Variants in RBM33 observed in about 807,000 individuals in gnomAD.
The protein encoded by RBM33 is RNA-binding protein 33.
Under a neutral mutation model 132.6 loss-of-function variants are expected in RBM33, and 28 were observed. That is an observed-to-expected ratio of 0.21 (90% CI 0.16 to 0.29). The LOEUF (loss-of-function observed/expected upper bound fraction) is 0.29, where lower values mean the gene tolerates loss of function less well. Ranked by LOEUF, RBM33 falls within the 10% of genes least tolerant of loss-of-function variation. The probability of loss-of-function intolerance (pLI) is 1.00; values close to 1 mark genes in which losing one functional copy is unlikely to be tolerated. For missense variants in RBM33, 1,291 were observed against 1,518.5 expected (o/e 0.85, Z 2.49); for synonymous variants, 634 against 593.0 (o/e 1.07, Z -1.01).
intron 7 of RBM33, among the ~76,000 whole-genome samples, chr7:155,709,738 A>G: frequency 6.6e-6 from 1 of 152,282 alleles, no homozygotes; most frequent in East Asian, 1.9e-4. Context: ...GATAGACAAG[A>G]TCCCTACTCT....
At chr7:155,737,780 G>C in intron 10 of RBM33, 118 bp downstream of exon 10, 2 of 1,200,272 alleles carry the variant, frequency 1.7e-6, no homozygotes, top group Non-Finnish European at 2.3e-6. Context: ...GGAATGCCAG[G>C]TTTTTGTACC....
rs1164763779 is a variant in RBM33 at position 155,766,519 on chromosome 7, G to T, written c.3239G>T (p.Arg1080Leu). The change falls in exon 16 of 18, where the codon CGC becomes CTC. Residue 1080 changes from arginine (R) to leucine (L), a missense_variant. Physicochemically the swap from Arg to Leu is moderately radical, Grantham distance 102. This residue lies in a region of RBM33 where 841 missense variants were observed against 912.0 expected (regional missense o/e 0.92). Coordinates refer to ENST00000401878, the MANE Select transcript of RBM33 (RefSeq NM_053043.3). ...RGVAGPMGRG[R>L]LMPNKQNLRV... ...GTGGCCGGTCCCATGGGCCGGGGGC[G>T]CCTGATGCCAAACAAGCAGAACCTG... is the stretch of plus-strand genomic sequence containing the variant. 1.9e-6 allele frequency: 3 copies of T among 1,613,596 alleles called. No homozygotes were observed. The highest frequency in any genetic ancestry group is 1.3e-5 in the African/African-American group (1 of 74,910).
chr7:155,763,975 C>G lies in RBM33; in HGVS notation c.3143C>G (p.Pro1048Arg). 1 of 1,587,710 alleles carries G rather than the reference C, an allele frequency of 6.3e-7. No individual in the cohort carries two copies. The highest frequency in any genetic ancestry group is 8.6e-7 in the Non-Finnish European group (1 of 1,167,004). ...PAGPHAHSPV[P>R]PGIKSIQGIH... ...GGGCCCCACGCACACTCGCCTGTCC[C>G]TCCAGGGATCAAAAGCATCCAAGGA... The change falls in exon 15 of 18, where the codon CCT becomes CGT. Residue 1048 changes from proline to arginine, a missense_variant. This residue lies in a region of RBM33 where 841 missense variants were observed against 912.0 expected (regional missense o/e 0.92). Coordinates refer to ENST00000401878, the MANE Select transcript of RBM33 (RefSeq NM_053043.3).
chr7:155,697,167 G>A (rs1473918051), intron 5 of RBM33, among the ~76,000 whole-genome samples: 1 of 151,890 alleles, frequency 6.6e-6, no homozygotes, highest in Non-Finnish European at 1.5e-5. Flanking sequence ...GGGGAGGAAA[G>A]CAACTTAAGC....
intron 5 of RBM33, among the ~76,000 whole-genome samples, chr7:155,684,178 G>A (rs1799409495): frequency 6.6e-6 from 1 of 152,194 alleles, no homozygotes. Context: ...CATACAGTAG[G>A]TTGTTAAATT....
intron 14 of RBM33, among the ~76,000 whole-genome samples, chr7:155,759,700 C>T (rs1343019796): frequency 1.3e-5 from 2 of 152,174 alleles, no homozygotes; most frequent in Non-Finnish European, 2.9e-5. Context: ...TAAAAATTAT[C>T]AAATTACTAC....
intron 5 of RBM33, among the ~76,000 whole-genome samples, chr7:155,694,323 C>T (rs10240868): frequency 0.016 from 2,472 of 152,208 alleles, 61 homozygotes; most frequent in African/African-American, 0.055. Flanking sequence ...CACATTAGTG[C>T]TAGTTATGCT....
chr7:155,666,079 TAGTC>T (rs1454613610), intron 2 of RBM33, among the ~76,000 whole-genome samples: 8 of 152,218 alleles, frequency 5.3e-5, no homozygotes, highest in Non-Finnish European at 8.8e-5. Context: ...TGCAGTGTAT[TAGTC>T]AGGATTCTCC....
chr7:155,713,986 G>T (rs995478662), intron 8 of RBM33, among the ~76,000 whole-genome samples: 1 of 152,102 alleles, frequency 6.6e-6, no homozygotes, highest in African/African-American at 2.4e-5. Flanking sequence ...AGTTTCCTCG[G>T]TGGGTAGCAG....
intron 9 of RBM33, among the ~76,000 whole-genome samples, chr7:155,729,700 A>C (rs1001358542): frequency 1.3e-5 from 2 of 151,132 alleles, no homozygotes; most frequent in African/African-American, 4.9e-5. Context: ...TCGCACCGCT[A>C]TACTCCAGTC....
chr7:155,709,183 T>G (rs1476026150), intron 7 of RBM33, among the ~76,000 whole-genome samples: 1 of 152,162 alleles, frequency 6.6e-6, no homozygotes, highest in African/African-American at 2.4e-5. Flanking sequence ...AACTTCCTTT[T>G]TATTTCCAAA....
At chr7:155,703,026 G>T (rs762216180) in intron 6 of RBM33, among the ~76,000 whole-genome samples, 34 of 152,012 alleles carry the variant, frequency 2.2e-4, no homozygotes, top group Non-Finnish European at 4.4e-4. Context: ...GATTTGTGGT[G>T]CCTCTCTGCC....
intron 1 of RBM33, among the ~76,000 whole-genome samples, chr7:155,659,423 C>T (rs1218190386): frequency 6.6e-6 from 1 of 152,066 alleles, no homozygotes; most frequent in East Asian, 1.9e-4. Flanking sequence ...TAGAAGGAAA[C>T]AACTTCTGGA....
At chr7:155,737,925 T>C in intron 10 of RBM33, 135 bp from the exon 11 acceptor site, 1 of 877,666 alleles carries the variant, frequency 1.1e-6, no homozygotes, top group Non-Finnish European at 1.7e-6. Flanking sequence ...AGGCAAAATC[T>C]GGAATTGTTT....
In RBM33 at chr7:155,756,180, TTAAGA is replaced by T. The variant is rs1563178087; in HGVS notation, c.2980-7628_2980-7624del. On this transcript the variant is annotated intron_variant, in intron 14 of 17. Transcript: ENST00000401878. ...CACATACAACACTTATATGTGGATG[TTAAGA>T]TAACAGCCTTCTAAAATTCAATTTG... 7.2e-5 allele frequency among the ~76,000 whole-genome samples: 11 copies of T among 152,254 alleles called. No individual in the cohort carries two copies. In the South Asian group the frequency reaches 2.3e-3, roughly 32 times the overall value.
At chr7:155,722,367 CTG>C (rs2116997525) in intron 9 of RBM33, among the ~76,000 whole-genome samples, 1 of 152,276 alleles carries the variant, frequency 6.6e-6, no homozygotes, top group South Asian at 2.1e-4. Context: ...TCACGAAACA[CTG>C]TGTTGTGTTT....
chr7:155,775,245 A>C lies in RBM33; in HGVS notation c.*204A>C. ...GACACAGCAGGCTGGAGTTGGTGTTAGATTGCTTCACATTCTCTTGTCACC... is the reference window on the plus strand; with the variant it reads ...GACACAGCAGGCTGGAGTTGGTGTTCGATTGCTTCACATTCTCTTGTCACC... On this transcript the variant is annotated 3_prime_UTR_variant, in exon 18 of 18. Transcript: ENST00000401878. 1.5e-6 allele frequency: 1 copy of C among 675,966 alleles called. No homozygotes were observed. Among genetic ancestry groups the C allele is most frequent in the East Asian group, 2.7e-5 (1 of 36,604 alleles). The allele number at this position is 675,966 out of a possible 1,614,324, so 41.9% of individuals were successfully genotyped here. A position where few individuals can be genotyped will look rare whatever the true frequency, so the allele number is the denominator to read the frequency against.
chr7:155,740,035 C>G lies in RBM33; in HGVS notation c.2049+9C>G. On this transcript the variant is annotated intron_variant, in intron 12 of 17. Coordinates refer to ENST00000401878, the MANE Select transcript of RBM33 (RefSeq NM_053043.3). ...GCCAGGGGCTCCGGCATGTAAGTGT[C>G]AAGGGGTGTCTTCCCTGTGTCTTCC... 6.6e-7 allele frequency: 1 copy of G among 1,525,744 alleles called. No homozygotes were observed. Among genetic ancestry groups the G allele is most frequent in the Non-Finnish European group, 8.8e-7 (1 of 1,130,344 alleles). 94.5% of individuals were successfully genotyped at this position (1,525,744 alleles called of 1,614,324 possible).
intron 14 of RBM33, among the ~76,000 whole-genome samples, chr7:155,748,553 A>C (rs1801593034): frequency 6.6e-6 from 1 of 152,222 alleles, no homozygotes; most frequent in African/African-American, 2.4e-5. Context: ...TTGTGAATCA[A>C]ATGGAGTTTT....
Sources: gnomAD v4.1 joint callset for allele counts (sites outside exome capture counted in the v4.1 genomes callset) on GRCh38, gnomAD v4.1.1 for gene constraint, gnomAD v4.1.1 regional missense constraint, MANE v1.5 for transcripts, NCBI Gene and HGNC (gene_info 2026-07-23, HGNC 2026-07-21) for gene names.